Variants in HORMAD2 observed in about 807,000 individuals in gnomAD.
HORMAD2 encodes the protein HORMA domain containing 2.
Under a neutral mutation model 38.8 loss-of-function variants are expected in HORMAD2, and 45 were observed. That is an observed-to-expected ratio of 1.16 (90% CI 0.91 to 1.49). HORMAD2 has a LOEUF of 1.49. HORMAD2 is among the 40% of genes most tolerant of loss of function. The pLI is 0.00. For missense variants in HORMAD2, 338 were observed against 367.0 expected, an observed-to-expected ratio of 0.92 and a Z score of 0.65; for synonymous variants, 126 against 122.8, an observed-to-expected ratio of 1.03 and a Z score of -0.17.
At chr22:30,205,771 C>T in the HORMAD2 span, among the ~76,000 whole-genome samples, 70 of 152,192 alleles carry the variant, frequency 4.6e-4, no homozygotes, top group East Asian at 0.012. Flanking sequence ...GCGTGAGGAC[C>T]GGAAAAGCCG....
chr22:30,171,150 C>T (rs1380915551), intron 10 of HORMAD2, among the ~76,000 whole-genome samples: 1 of 152,146 alleles, frequency 6.6e-6, no homozygotes, highest in Non-Finnish European at 1.5e-5. Flanking sequence ...TGATCCTTTT[C>T]CCTTCCCACA....
At chr22:30,173,432 A>T (rs1926242783) in intron 10 of HORMAD2, among the ~76,000 whole-genome samples, 1 of 152,218 alleles carries the variant, frequency 6.6e-6, no homozygotes, top group Non-Finnish European at 1.5e-5. Context: ...AGAGCTATTA[A>T]GGAGGTAGGA....
intron 3 of HORMAD2, among the ~76,000 whole-genome samples, chr22:30,101,588 TAA>T (rs35366560): frequency 1.4e-5 from 2 of 139,652 alleles, no homozygotes; most frequent in Non-Finnish European, 3.1e-5. Context: ...CTTAAAGTAT[TAA>T]AAAAAAAAAA....
At chr22:30,114,315 C>G (rs1247488512) in intron 7 of HORMAD2, among the ~76,000 whole-genome samples, 2 of 152,114 alleles carry the variant, frequency 1.3e-5, no homozygotes, top group Admixed American at 6.5e-5. Flanking sequence ...CTAAAAAATT[C>G]AGTAGCATAT....
At chr22:30,153,760 G>A (rs1466792985) in intron 10 of HORMAD2, among the ~76,000 whole-genome samples, 1 of 152,028 alleles carries the variant, frequency 6.6e-6, no homozygotes, top group Non-Finnish European at 1.5e-5. Flanking sequence ...CTCAGTAAAC[G>A]ACACTATCAT....
chr22:30,089,646 C>T (rs1251201203), intron 1 of HORMAD2, among the ~76,000 whole-genome samples: 1 of 152,068 alleles, frequency 6.6e-6, no homozygotes, highest in Non-Finnish European at 1.5e-5. Context: ...CCACCATGCC[C>T]GGCTGCTTCT....
intron 10 of HORMAD2, among the ~76,000 whole-genome samples, chr22:30,144,131 C>T (rs1222141992): frequency 1.3e-5 from 2 of 152,180 alleles, no homozygotes; most frequent in African/African-American, 2.4e-5. Context: ...TTTCTTTGGC[C>T]AATTCTTTCC....
intron 3 of HORMAD2, among the ~76,000 whole-genome samples, chr22:30,100,481 C>A (rs1374088737): frequency 1.3e-5 from 2 of 152,024 alleles, no homozygotes; most frequent in Non-Finnish European, 1.5e-5. Flanking sequence ...CCATAAAAAC[C>A]CTAGAAGAAA....
intron 10 of HORMAD2, among the ~76,000 whole-genome samples, chr22:30,148,534 G>T (rs1924559465): frequency 6.6e-6 from 1 of 152,140 alleles, no homozygotes. Flanking sequence ...TCTGTTTCAT[G>T]TAAAGTTTGC....
At chr22:30,201,040 A>G in the HORMAD2 span, among the ~76,000 whole-genome samples, 2 of 151,988 alleles carry the variant, frequency 1.3e-5, no homozygotes, top group Admixed American at 6.6e-5. Flanking sequence ...GTGAGCCACC[A>G]CGCCCGGCCA....
chr22:30,111,359 A>G (rs1023208308), intron 5 of HORMAD2, among the ~76,000 whole-genome samples: 9 of 150,904 alleles, frequency 6.0e-5, no homozygotes, highest in African/African-American at 2.2e-4. Context: ...TGAGGCGGGC[A>G]TCTGTAATCG....
intron 10 of HORMAD2, among the ~76,000 whole-genome samples, chr22:30,158,097 T>C (rs1334536737): frequency 6.6e-6 from 1 of 151,972 alleles, no homozygotes; most frequent in Admixed American, 6.6e-5. Flanking sequence ...AAAGAGGCAT[T>C]AATAGAAATA....
chr22:30,129,107 A>G (rs2146146703), intron 10 of HORMAD2, among the ~76,000 whole-genome samples: 1 of 151,606 alleles, frequency 6.6e-6, no homozygotes, highest in South Asian at 2.1e-4. Flanking sequence ...AGTCCCAGCT[A>G]CTTGGGAGGC....
intron 10 of HORMAD2, among the ~76,000 whole-genome samples, chr22:30,127,215 T>A (rs1265088101): frequency 1.4e-5 from 2 of 139,612 alleles, no homozygotes; most frequent in African/African-American, 5.4e-5. Flanking sequence ...TTTTTTTTTT[T>A]TTTTTTTTTT....
In HORMAD2 at chr22:30,098,894, T is replaced by C. The variant is rs370632699; in HGVS notation, c.94T>C (p.Leu32=). 123 of 1,613,696 alleles carry C rather than the reference T, an allele frequency of 7.6e-5. 2 individuals are homozygous for C. Among genetic ancestry groups the C allele is most frequent in the South Asian group, 6.8e-4 (62 of 91,058 alleles). ...PSQITNEHES[L]KMVKKLFATS... is the part of the protein sequence containing the mutation. ...CCAAATCACTAATGAGCATGAGTCA[T>C]TGAAAATGGTGAAGAAACTTTTTGC... The change falls in exon 3 of 11, where the codon TTG becomes CTG. Residue 32 remains leucine, a synonymous_variant. Coordinates refer to ENST00000336726, the MANE Select transcript of HORMAD2 (RefSeq NM_152510.4).
chr22:30,138,343 A>AT (rs957564971), intron 10 of HORMAD2, among the ~76,000 whole-genome samples: 1 of 151,132 alleles, frequency 6.6e-6, no homozygotes, highest in Non-Finnish European at 1.5e-5. Context: ...TTTTTAAAAT[A>AT]TTTTTGTGGA....
At chr22:30,090,795 A>G (rs1378249038) in intron 1 of HORMAD2, among the ~76,000 whole-genome samples, 1 of 152,238 alleles carries the variant, frequency 6.6e-6, no homozygotes, top group Non-Finnish European at 1.5e-5. Flanking sequence ...ATTTTGATAC[A>G]TGTATACAAT....
chr22:30,114,137 T>C (rs960127775), intron 7 of HORMAD2, among the ~76,000 whole-genome samples: 2 of 152,142 alleles, frequency 1.3e-5, no homozygotes, highest in African/African-American at 4.8e-5. Flanking sequence ...TGGGAAGAAA[T>C]GCAGGCATAT....
intron 1 of HORMAD2, among the ~76,000 whole-genome samples, chr22:30,083,479 A>C (rs2068519607): frequency 6.6e-6 from 1 of 152,220 alleles, no homozygotes; most frequent in East Asian, 1.9e-4. Flanking sequence ...CTGAGAATGC[A>C]TGCTCTCTAG....
Sources: gnomAD v4.1 joint callset for allele counts (sites outside exome capture counted in the v4.1 genomes callset) on GRCh38, gnomAD v4.1.1 for gene constraint, MANE v1.5 for transcripts, NCBI Gene and HGNC (gene_info 2026-07-23, HGNC 2026-07-21) for gene names.